The following PTPRD variants were observed in gnomAD, a reference collection of about 807,000 sequenced individuals.
PTPRD encodes the protein receptor-type tyrosine-protein phosphatase delta.
A neutral mutation model predicts 214.5 loss-of-function variants in PTPRD; 34 were observed. The observed-to-expected ratio is 0.16, with a 90% CI of 0.12 to 0.21. The LOEUF is 0.21. Among genes scored for constraint, PTPRD ranks in the 10% least tolerant of loss-of-function variants. The probability of loss-of-function intolerance (pLI) is 1.00; values close to 1 mark genes in which losing one functional copy is unlikely to be tolerated. For synonymous variants in PTPRD, 1,128 were observed against 845.7 expected, an observed-to-expected ratio of 1.33 and a Z score of -5.79; for missense variants, 2,545 against 2,398.7, an observed-to-expected ratio of 1.06 and a Z score of -1.27.
In PTPRD at chr9:9,570,097, T is replaced by C. The variant is rs1327772925; in HGVS notation, c.-237+4635A>G. Among the ~76,000 whole-genome samples, 3 of 151,544 alleles carry C rather than the reference T, an allele frequency of 2.0e-5. 1 individual carries two copies. The highest frequency in any genetic ancestry group is 4.4e-5 in the Non-Finnish European group (3 of 67,604). The stretch of plus-strand genomic sequence containing the variant: ...TCTGTGTAATCAATTCATTATTGAA[T>C]AGGAAGCAAAAATTTCCAGAAAGTA... On this transcript the variant is annotated intron_variant, in intron 8 of 45. Transcript: ENST00000381196.
chr9:8,782,405 T>A (rs999687767), intron 11 of PTPRD, among the ~76,000 whole-genome samples: 2 of 152,166 alleles, frequency 1.3e-5, no homozygotes, highest in African/African-American at 2.4e-5. Flanking sequence ...ACATTGTTAT[T>A]AACTGTGTCA....
intron 5 of PTPRD, among the ~76,000 whole-genome samples, chr9:9,862,212 A>G (rs79459393): frequency 2.8e-4 from 40 of 141,160 alleles, no homozygotes; most frequent in Middle Eastern, 3.8e-3. Context: ...CCATCATTGG[A>G]AAAAAAAAAA....
chr9:9,541,029 T>G (rs2077482254), intron 8 of PTPRD, among the ~76,000 whole-genome samples: 2 of 151,732 alleles, frequency 1.3e-5, no homozygotes, highest in South Asian at 4.1e-4. Flanking sequence ...AACAAATACC[T>G]CGTTCTAGGA....
chr9:9,392,391 C>T (rs745936355), intron 9 of PTPRD, among the ~76,000 whole-genome samples: 8 of 152,144 alleles, frequency 5.3e-5, no homozygotes, highest in Non-Finnish European at 1.0e-4. Flanking sequence ...GCTTTTTAAT[C>T]ATTCAAATCA....
intron 3 of PTPRD, among the ~76,000 whole-genome samples, chr9:10,132,256 T>C (rs191917934): frequency 2.0e-5 from 3 of 152,286 alleles, no homozygotes; most frequent in East Asian, 3.9e-4. Context: ...TTGTACCAAA[T>C]GTTGCTTACA....
At chr9:9,736,812 G>C (rs1243701513) in intron 6 of PTPRD, among the ~76,000 whole-genome samples, 1 of 151,808 alleles carries the variant, frequency 6.6e-6, no homozygotes, top group East Asian at 1.9e-4. Context: ...TCACAGAAGT[G>C]CTTTATGTAT....
chr9:10,553,072 C>G (rs893350170), intron 2 of PTPRD, among the ~76,000 whole-genome samples: 6 of 152,142 alleles, frequency 3.9e-5, no homozygotes, highest in African/African-American at 1.2e-4. Context: ...CTGAGCCCAT[C>G]ATAGTGATCA....
chr9:9,614,307 C>G (rs1057057268), intron 7 of PTPRD, among the ~76,000 whole-genome samples: 2 of 152,118 alleles, frequency 1.3e-5, no homozygotes, highest in Admixed American at 6.5e-5. Context: ...AGCAGTTCAA[C>G]TAACTTCATA....
intron 7 of PTPRD, among the ~76,000 whole-genome samples, chr9:9,706,056 A>G (rs1454806099): frequency 6.6e-6 from 1 of 152,146 alleles, no homozygotes; most frequent in Non-Finnish European, 1.5e-5. Context: ...ATGAAGTTAA[A>G]TAATCTAAGT....
chr9:10,154,094 A>C (rs1274243770), intron 3 of PTPRD, among the ~76,000 whole-genome samples: 3 of 152,140 alleles, frequency 2.0e-5, no homozygotes, highest in Non-Finnish European at 4.4e-5. Context: ...TCCCTACAAC[A>C]GTGTATAAGC....
intron 10 of PTPRD, among the ~76,000 whole-genome samples, chr9:9,047,505 C>G (rs998355373): frequency 6.6e-6 from 1 of 152,062 alleles, no homozygotes; most frequent in Non-Finnish European, 1.5e-5. Flanking sequence ...TCAGACTATA[C>G]TACAGAGCTA....
In PTPRD at chr9:8,389,215, T is replaced by C. The variant is rs185942648; in HGVS notation, c.4386+17A>G. On this transcript the variant is annotated intron_variant, in intron 37 of 45. Coordinates refer to ENST00000381196, the MANE Select transcript of PTPRD (RefSeq NM_002839.4). ...GGGAAAATTTTTAAAAGGAAAGAGG[T>C]GGATACTTATTCTTACCCTTGATCT... 232 of 1,591,676 alleles carry C rather than the reference T, an allele frequency of 1.5e-4. No individual in the cohort carries two copies. The African/African-American group carries it at 2.7e-3, about 19-fold the overall frequency.
intron 2 of PTPRD, among the ~76,000 whole-genome samples, chr9:10,390,490 C>T (rs925707479): frequency 5.3e-5 from 8 of 151,760 alleles, no homozygotes; most frequent in African/African-American, 1.7e-4. Flanking sequence ...TTTCTGCCCA[C>T]GAGTTTGCAG....
chr9:9,842,541 AAG>A (rs946261060), intron 5 of PTPRD, among the ~76,000 whole-genome samples: 3 of 152,166 alleles, frequency 2.0e-5, no homozygotes, highest in Middle Eastern at 3.4e-3. Flanking sequence ...GGGAACAAAA[AAG>A]AGAGACTAGA....
At chr9:8,451,816 T>A (rs4742505) in intron 33 of PTPRD, 340,848 of 454,886 alleles carry the variant, frequency 0.75, 128,769 homozygotes, top group East Asian at 0.86. Flanking sequence ...TCCCTTCCCA[T>A]TGTGGCTCTG....
At chr9:9,250,363 A>G (rs767096521) in intron 9 of PTPRD, among the ~76,000 whole-genome samples, 11 of 152,072 alleles carry the variant, frequency 7.2e-5, no homozygotes, top group African/African-American at 1.9e-4. Flanking sequence ...ATAAATACTA[A>G]TATCTGCCCT....
At chr9:10,555,762 A>G (rs571390407) in intron 2 of PTPRD, among the ~76,000 whole-genome samples, 1 of 152,334 alleles carries the variant, frequency 6.6e-6, no homozygotes, top group Admixed American at 6.5e-5. Context: ...AAAAACCACA[A>G]AACTCAATCA....
At chr9:9,658,053 T>G (rs374745463) in intron 7 of PTPRD, among the ~76,000 whole-genome samples, 67 of 152,346 alleles carry the variant, frequency 4.4e-4, no homozygotes, top group African/African-American at 1.5e-3. Context: ...CTTCCAGCGG[T>G]ATCTTTTGCA....
intron 3 of PTPRD, among the ~76,000 whole-genome samples, chr9:10,064,780 C>G (rs2097846030): frequency 6.6e-6 from 1 of 151,942 alleles, no homozygotes; most frequent in Non-Finnish European, 1.5e-5. Flanking sequence ...ATAAAAAAAA[C>G]TTGCACATGT....
Sources: allele counts gnomAD v4.1 joint callset (sites outside exome capture counted in the v4.1 genomes callset), GRCh38; gene constraint gnomAD v4.1.1; transcripts MANE v1.5; gene names NCBI Gene and HGNC (gene_info 2026-07-23, HGNC 2026-07-21).